MFHAS1: variants seen among roughly 807,000 people sequenced by gnomAD.
MFHAS1 encodes the protein malignant fibrous histiocytoma-amplified sequence 1.
A neutral mutation model predicts 70.4 loss-of-function variants in MFHAS1; 50 were observed. The observed-to-expected ratio is 0.71, with a 90% CI of 0.57 to 0.90. The LOEUF (loss-of-function observed/expected upper bound fraction) is 0.90, where lower values mean the gene tolerates loss of function less well. Among genes scored for constraint, MFHAS1 ranks in the 40% least tolerant of loss-of-function variants. The pLI, the probability that MFHAS1 is intolerant of heterozygous loss-of-function variation, is 0.00. For synonymous variants in MFHAS1, 952 were observed against 620.0 expected (o/e 1.54, Z -7.96); for missense variants, 1,795 against 1,347.6 (o/e 1.33, Z -5.20).
chr8:8,864,996 C>T (rs1283516852), intron 1 of MFHAS1, among the ~76,000 whole-genome samples: 1 of 152,050 alleles, frequency 6.6e-6, no homozygotes, highest in African/African-American at 2.4e-5. Flanking sequence ...ATGTTTCAGG[C>T]CAGGTCTGGT....
chr8:8,851,781 AAAGT>A (rs1451729648), intron 1 of MFHAS1, among the ~76,000 whole-genome samples: 1 of 152,226 alleles, frequency 6.6e-6, no homozygotes, highest in Non-Finnish European at 1.5e-5. Context: ...CAAAACACTT[AAAGT>A]AATAGTAAAC....
intron 2 of MFHAS1, among the ~76,000 whole-genome samples, chr8:8,796,716 C>T (rs1300033897): frequency 1.7e-5 from 2 of 116,494 alleles, no homozygotes; most frequent in African/African-American, 6.7e-5. Flanking sequence ...CAAAAAAAGG[C>T]CGGACGTGGT....
chr8:8,871,624 T>A (rs1051464425), intron 1 of MFHAS1, among the ~76,000 whole-genome samples: 3 of 152,192 alleles, frequency 2.0e-5, no homozygotes, highest in Non-Finnish European at 2.9e-5. Context: ...AAGGAGACTC[T>A]GATAGCAGGT....
chr8:8,891,279 C>T lies in MFHAS1; in HGVS notation c.1780G>A (p.Ala594Thr), dbSNP rs768920060. Reference sequence around the variant, plus strand: ...TTCTTGTCCGAAACGCCATAGTAGGCTGCGTGGGGGCTGGCAGAGCGCAGC... The same window carrying T: ...TTCTTGTCCGAAACGCCATAGTAGGTTGCGTGGGGGCTGGCAGAGCGCAGC... ...FELRSASPHA[A>T]YYGVSDKNLR... Residue 594 changes from alanine (A) to threonine (T), a missense_variant, in exon 1 of 3, where the codon GCC (alanine) becomes ACC (threonine). By Grantham distance (58) the Ala-to-Thr change is moderately conservative. Coordinates refer to ENST00000276282, the MANE Select transcript of MFHAS1 (RefSeq NM_004225.3). This position sits in a 1 kb window ranked among gnomAD's most constrained non-coding sequence, Gnocchi z 5.4. 16 of 1,611,826 alleles carry T rather than the reference C, an allele frequency of 9.9e-6. No individual in the cohort carries two copies. The highest frequency in any genetic ancestry group is 1.3e-5 in the African/African-American group (1 of 74,950).
Position 8,785,895 on chromosome 8 carries a change from A to C in MFHAS1, c.*127T>G. The C allele has an allele frequency of 3.0e-5, 18 of 608,100 alleles. No homozygotes were observed. The highest frequency in any genetic ancestry group is 9.0e-5 in the South Asian group (5 of 55,548). 37.7% of individuals were successfully genotyped at this position (608,100 alleles called of 1,614,324 possible). ...CCCAGTCGTCCAAAAAGCACCCTGC[A>C]AGCACGCGTTGTCACTCAAGTTCAC... is the stretch of plus-strand genomic sequence containing the variant. On this transcript the variant is annotated 3_prime_UTR_variant, in exon 3 of 3. Coordinates refer to ENST00000276282, the MANE Select transcript of MFHAS1 (RefSeq NM_004225.3).
At chr8:8,884,633 T>C (rs941543109) in intron 1 of MFHAS1, among the ~76,000 whole-genome samples, 5 of 152,150 alleles carry the variant, frequency 3.3e-5, no homozygotes, top group African/African-American at 1.2e-4. Flanking sequence ...CAATACTACC[T>C]GGGATTTTCA....
intron 1 of MFHAS1, among the ~76,000 whole-genome samples, chr8:8,830,159 C>G (rs995346683): frequency 2.0e-5 from 3 of 152,162 alleles, no homozygotes; most frequent in Non-Finnish European, 2.9e-5. Flanking sequence ...TGGCCCCACA[C>G]CTCTGGCGTG....
At chr8:8,878,607 A>AT (rs1314502547) in intron 1 of MFHAS1, among the ~76,000 whole-genome samples, 1 of 150,582 alleles carries the variant, frequency 6.6e-6, no homozygotes, top group Non-Finnish European at 1.5e-5. Context: ...CAGGCGAAAT[A>AT]TTTTTCTGGT....
chr8:8,813,589 A>G (rs1449318113), intron 1 of MFHAS1, among the ~76,000 whole-genome samples: 10 of 152,332 alleles, frequency 6.6e-5, no homozygotes, highest in Non-Finnish European at 1.5e-4. Flanking sequence ...TTAAAAAACT[A>G]TAAAATTTAA....
At chr8:8,841,107 T>A (rs920748287) in intron 1 of MFHAS1, among the ~76,000 whole-genome samples, 1 of 152,230 alleles carries the variant, frequency 6.6e-6, no homozygotes, top group Non-Finnish European at 1.5e-5. Flanking sequence ...AAGCTACCTA[T>A]GTAACATCTC....
intron 1 of MFHAS1, among the ~76,000 whole-genome samples, chr8:8,847,276 G>T (rs1003621949): frequency 6.6e-6 from 1 of 152,182 alleles, no homozygotes; most frequent in Non-Finnish European, 1.5e-5. Context: ...CCACCTCCCA[G>T]GTTGAAGTGA....
chr8:8,788,080 G>A (rs566092796), intron 2 of MFHAS1, among the ~76,000 whole-genome samples: 1 of 152,220 alleles, frequency 6.6e-6, no homozygotes, highest in East Asian at 1.9e-4. Context: ...TTTCTTCCCT[G>A]TGCTTACAAG....
At chr8:8,788,758 C>A (rs1449255784) in intron 2 of MFHAS1, among the ~76,000 whole-genome samples, 2 of 152,182 alleles carry the variant, frequency 1.3e-5, no homozygotes, top group East Asian at 3.8e-4. Context: ...GGGAGGCTCC[C>A]CAGAGGAGCT....
chr8:8,883,027 C>G (rs140324812), intron 1 of MFHAS1, among the ~76,000 whole-genome samples: 17 of 152,044 alleles, frequency 1.1e-4, no homozygotes, highest in Non-Finnish European at 1.5e-5. Context: ...GTGGTGCACC[C>G]CTGTAGTCCC....
chr8:8,825,843 G>A (rs1807137995), intron 1 of MFHAS1, among the ~76,000 whole-genome samples: 1 of 152,142 alleles, frequency 6.6e-6, no homozygotes, highest in South Asian at 2.1e-4. Context: ...GTCTTTTCTT[G>A]CTAAAGGAGC....
chr8:8,842,183 T>C (rs1053575742), intron 1 of MFHAS1, among the ~76,000 whole-genome samples: 1 of 151,426 alleles, frequency 6.6e-6, no homozygotes, highest in African/African-American at 2.4e-5. Flanking sequence ...ACAGGTCTGA[T>C]TTTCTTTTCT....
At chr8:8,838,540 C>G (rs185221336) in intron 1 of MFHAS1, among the ~76,000 whole-genome samples, 2 of 152,170 alleles carry the variant, frequency 1.3e-5, no homozygotes, top group Admixed American at 6.5e-5. Context: ...CAGCTGGGCA[C>G]GTTGGCTCAT....
intron 1 of MFHAS1, among the ~76,000 whole-genome samples, chr8:8,825,877 CT>C (rs1178373108): frequency 6.6e-6 from 1 of 152,176 alleles, no homozygotes; most frequent in Non-Finnish European, 1.5e-5. Flanking sequence ...TCTCCTTCAG[CT>C]CCTGGAGATT....
At chr8:8,840,228 G>C (rs565579849) in intron 1 of MFHAS1, among the ~76,000 whole-genome samples, 1 of 152,108 alleles carries the variant, frequency 6.6e-6, no homozygotes, top group African/African-American at 2.4e-5. Flanking sequence ...AGGCCGAAGC[G>C]GGCAGATCAC....
Sources: gnomAD v4.1 joint callset for allele counts (sites outside exome capture counted in the v4.1 genomes callset) on GRCh38, gnomAD v4.1.1 for gene constraint, Gnocchi (gnomAD v3.1) non-coding constraint, MANE v1.5 for transcripts, NCBI Gene and HGNC (gene_info 2026-07-23, HGNC 2026-07-21) for gene names.